MACROD2: variants seen among roughly 807,000 people sequenced by gnomAD.
MACROD2 encodes the protein ADP-ribose glycohydrolase MACROD2.
Under a neutral mutation model 70.4 loss-of-function variants are expected in MACROD2, and 36 were observed. The ratio of observed to expected loss-of-function variants is 0.51; its 90% CI spans 0.39 to 0.68. The LOEUF is 0.68. Ranked by LOEUF, MACROD2 falls within the 30% of genes least tolerant of loss-of-function variation. The pLI is 0.00. For synonymous variants in MACROD2, 172 were observed against 178.8 expected (o/e 0.96, Z 0.30); for missense variants, 496 against 538.4 (o/e 0.92, Z 0.78).
chr20:15,026,248 A>G (rs1410088853), intron 5 of MACROD2, among the ~76,000 whole-genome samples: 1 of 152,196 alleles, frequency 6.6e-6, no homozygotes, highest in Non-Finnish European at 1.5e-5. Flanking sequence ...AAGGTTAAAC[A>G]AAGTTCTTTA....
In MACROD2 at chr20:15,060,000, G is replaced by A. The variant is rs546144757; in HGVS notation, c.419-169940G>A. ...ATTAGAGGCAAATATAAATATGACC[G>A]CTGCCATCTCCCCCCAACAACAGTG... On this transcript the variant is annotated intron_variant, in intron 5 of 17. Transcript: ENST00000684519. Among the ~76,000 whole-genome samples the A allele has an allele frequency of 3.9e-5, 6 of 152,158 alleles. No homozygotes were observed. In the South Asian group the frequency reaches 6.2e-4, roughly 16 times the overall value.
chr20:15,268,959 G>GTC (rs1203911160), intron 6 of MACROD2, among the ~76,000 whole-genome samples: 1 of 152,152 alleles, frequency 6.6e-6, no homozygotes, highest in Non-Finnish European at 1.5e-5. Context: ...TCTGCAATTT[G>GTC]TCTTCTCAAA....
At chr20:14,160,905 C>A (rs6042562) in intron 3 of MACROD2, among the ~76,000 whole-genome samples, 1 of 151,970 alleles carries the variant, frequency 6.6e-6, no homozygotes, top group Non-Finnish European at 1.5e-5. Context: ...TATTGCATAA[C>A]GTTTGGGTTT....
intron 6 of MACROD2, among the ~76,000 whole-genome samples, chr20:15,269,607 G>A (rs929658383): frequency 1.3e-5 from 2 of 152,190 alleles, no homozygotes; most frequent in Non-Finnish European, 2.9e-5. Context: ...TGTCCCTGGT[G>A]GAGATTTGAT....
chr20:14,185,306 C>G (rs1271542382), intron 3 of MACROD2, among the ~76,000 whole-genome samples: 3 of 152,108 alleles, frequency 2.0e-5, no homozygotes, highest in Non-Finnish European at 2.9e-5. Flanking sequence ...CTGACGCACT[C>G]TCAGATATTA....
Position 14,565,874 on chromosome 20 carries a change from C to T in MACROD2, c.301+72366C>T, listed in dbSNP as rs114939809. 4.7e-3 allele frequency among the ~76,000 whole-genome samples: 720 copies of T among 151,938 alleles called. 6 individuals carry two copies. Among genetic ancestry groups the T allele is most frequent in the African/African-American group, 0.017 (698 of 41,486 alleles). ...ATATCCGGCTCAACAGAGTTTAGTT[C>T]CTTCCTTTCTTTTTACCCCTAAGAC... On this transcript the variant is annotated intron_variant, in intron 4 of 17. Transcript: ENST00000684519.
At chr20:15,857,472 T>C (rs541826687) in intron 8 of MACROD2, among the ~76,000 whole-genome samples, 10 of 152,326 alleles carry the variant, frequency 6.6e-5, no homozygotes, top group Admixed American at 6.5e-4. Flanking sequence ...GAACTTCATG[T>C]GGGCCCAGCC....
At chr20:15,057,696 C>G (rs940228372) in intron 5 of MACROD2, among the ~76,000 whole-genome samples, 4 of 152,148 alleles carry the variant, frequency 2.6e-5, no homozygotes, top group African/African-American at 9.7e-5. Flanking sequence ...GCTTAGAAAG[C>G]AGGTGTCTGG....
At chr20:16,013,797 A>G (rs2066895336) in intron 15 of MACROD2, among the ~76,000 whole-genome samples, 1 of 152,242 alleles carries the variant, frequency 6.6e-6, no homozygotes, top group Non-Finnish European at 1.5e-5. Flanking sequence ...TCCTCTGACC[A>G]TAGCTGTAAG....
chr20:15,493,340 C>A (rs942797001), intron 7 of MACROD2, among the ~76,000 whole-genome samples: 6 of 152,088 alleles, frequency 3.9e-5, no homozygotes, highest in Non-Finnish European at 8.8e-5. Context: ...ATTATTATAC[C>A]AACATTATGT....
chr20:14,631,296 A>G (rs757274940), intron 4 of MACROD2, among the ~76,000 whole-genome samples: 2 of 152,186 alleles, frequency 1.3e-5, no homozygotes, highest in Non-Finnish European at 2.9e-5. Context: ...TTTTAATTCC[A>G]TAAGGAAAGT....
intron 4 of MACROD2, among the ~76,000 whole-genome samples, chr20:14,683,847 T>A (rs2070965605): frequency 6.6e-6 from 1 of 151,446 alleles, no homozygotes; most frequent in Non-Finnish European, 1.5e-5. Flanking sequence ...TCTTTTCCTT[T>A]ATTTTATAAT....
At chr20:15,322,742 T>C (rs2077885887) in intron 6 of MACROD2, among the ~76,000 whole-genome samples, 1 of 144,358 alleles carries the variant, frequency 6.9e-6, no homozygotes, top group Non-Finnish European at 1.6e-5. Flanking sequence ...GGTGGATTGG[T>C]TTCACAGTTG....
At chr20:16,030,422 G>A (rs1325349547) in intron 15 of MACROD2, among the ~76,000 whole-genome samples, 1 of 152,206 alleles carries the variant, frequency 6.6e-6, no homozygotes, top group Non-Finnish European at 1.5e-5. Context: ...CATGCATGTG[G>A]CATACACATC....
At chr20:14,844,427 G>A (rs749203657) in intron 5 of MACROD2, among the ~76,000 whole-genome samples, 1 of 151,886 alleles carries the variant, frequency 6.6e-6, no homozygotes, top group African/African-American at 2.4e-5. Flanking sequence ...TGAGACGGGA[G>A]AATCGCTTGA....
At chr20:15,059,763 A>AT in intron 5 of MACROD2, among the ~76,000 whole-genome samples, 1 of 152,308 alleles carries the variant, frequency 6.6e-6, no homozygotes, top group South Asian at 2.1e-4. Flanking sequence ...AGAGAACAGA[A>AT]TTTTTTAAGA....
At chr20:14,641,712 C>A (rs1283264971) in intron 4 of MACROD2, among the ~76,000 whole-genome samples, 1 of 152,114 alleles carries the variant, frequency 6.6e-6, no homozygotes, top group Non-Finnish European at 1.5e-5. Flanking sequence ...TGAAAAAAAT[C>A]TTTTTTTCTG....
intron 6 of MACROD2, among the ~76,000 whole-genome samples, chr20:15,428,270 C>T (rs1253741891): frequency 1.3e-5 from 2 of 152,162 alleles, no homozygotes; most frequent in African/African-American, 2.4e-5. Flanking sequence ...TGGAAGGACA[C>T]CAAGATGTGA....
At chr20:14,171,314 G>A (rs1057460552) in intron 3 of MACROD2, among the ~76,000 whole-genome samples, 7 of 151,916 alleles carry the variant, frequency 4.6e-5, no homozygotes, top group Non-Finnish European at 1.0e-4. Flanking sequence ...TTTATCTTTT[G>A]TATTACTATT....
Sources: allele counts gnomAD v4.1 joint callset (sites outside exome capture counted in the v4.1 genomes callset), GRCh38; gene constraint gnomAD v4.1.1; transcripts MANE v1.5; gene names NCBI Gene and HGNC (gene_info 2026-07-23, HGNC 2026-07-21).